CTNNA2: variants seen among roughly 807,000 people sequenced by gnomAD.
The protein encoded by CTNNA2 is catenin alpha-2.
In CTNNA2, 42 loss-of-function variants were observed where a neutral mutation model predicts 101.0. The observed-to-expected ratio is 0.42, with a 90% confidence interval of 0.32 to 0.54. The LOEUF (loss-of-function observed/expected upper bound fraction) is 0.54, where lower values mean the gene tolerates loss of function less well. CTNNA2 is among the 20% of genes least tolerant of loss of function. The probability of loss-of-function intolerance (pLI) is 0.14; values close to 1 mark genes in which losing one functional copy is unlikely to be tolerated. For synonymous variants in CTNNA2, 450 were observed against 456.4 expected, an observed-to-expected ratio of 0.99 and a Z score of 0.18; for missense variants, 871 against 1,223.1, an observed-to-expected ratio of 0.71 and a Z score of 4.29.
intron 3 of CTNNA2, among the ~76,000 whole-genome samples, chr2:79,329,341 A>G (rs993620845): frequency 1.3e-5 from 2 of 152,146 alleles, no homozygotes; most frequent in African/African-American, 4.8e-5. Flanking sequence ...GTGGATATTT[A>G]CCTGCCAGCT....
At chr2:79,603,454 A>G (rs1332229210) in intron 1 of CTNNA2, among the ~76,000 whole-genome samples, 1 of 152,224 alleles carries the variant, frequency 6.6e-6, no homozygotes, top group East Asian at 1.9e-4. Context: ...ACTAAGTGAA[A>G]AAAGTATCAT....
At chr2:80,619,686 A>C (rs1312807552) in intron 18 of CTNNA2, among the ~76,000 whole-genome samples, 3 of 151,956 alleles carry the variant, frequency 2.0e-5, no homozygotes, top group Non-Finnish European at 2.9e-5. Flanking sequence ...TGAGGATGAT[A>C]CATGAGGATT....
intron 15 of CTNNA2, among the ~76,000 whole-genome samples, chr2:80,594,872 C>A (rs912354358): frequency 1.3e-5 from 2 of 152,006 alleles, no homozygotes; most frequent in Admixed American, 1.3e-4. Flanking sequence ...TTCCATTGGT[C>A]TCTATGTCTG....
At chr2:80,647,137 A>G (rs956271128) in intron 18 of CTNNA2, among the ~76,000 whole-genome samples, 1 of 151,982 alleles carries the variant, frequency 6.6e-6, no homozygotes, top group African/African-American at 2.4e-5. Context: ...AAGCAAGAAC[A>G]CCCATGGATT....
intron 2 of CTNNA2, among the ~76,000 whole-genome samples, chr2:79,266,018 A>G (rs1674982500): frequency 6.6e-6 from 1 of 152,184 alleles, no homozygotes; most frequent in Admixed American, 6.5e-5. Context: ...TTAAATAAAC[A>G]TAAAAGTTAC....
intron 7 of CTNNA2, among the ~76,000 whole-genome samples, chr2:80,078,425 C>T (rs1365636036): frequency 1.3e-5 from 2 of 152,126 alleles, no homozygotes; most frequent in Non-Finnish European, 2.9e-5. Context: ...GAAATAGCTC[C>T]TGCAAAGCCA....
At chr2:80,095,977 G>A (rs980782575) in intron 7 of CTNNA2, among the ~76,000 whole-genome samples, 13 of 151,800 alleles carry the variant, frequency 8.6e-5, no homozygotes, top group African/African-American at 2.9e-4. Flanking sequence ...TTGATTTTTT[G>A]AAGGGTTTTT....
intron 2 of CTNNA2, among the ~76,000 whole-genome samples, chr2:79,275,880 A>T (rs1675199112): frequency 6.6e-6 from 1 of 152,076 alleles, no homozygotes; most frequent in African/African-American, 2.4e-5. Flanking sequence ...AAAAAAAAAG[A>T]TAAGAAGGAA....
In CTNNA2 at chr2:79,357,321, G is replaced by A. The variant is rs186163014; in HGVS notation, c.-317-16510G>A. Among the ~76,000 whole-genome samples, 226 of 152,184 alleles carry A rather than the reference G, an allele frequency of 1.5e-3. 1 individual carries two copies. The highest frequency in any genetic ancestry group is 2.8e-3 in the Non-Finnish European group (190 of 68,000). On this transcript the variant is annotated intron_variant, in intron 3 of 21. Transcript: ENST00000466387. Reference sequence around the variant, plus strand: ...AGCCTGGGCAACAGAGTAAGACCCTGTCTCAAAAACAAACAAACAAAACTC... The same window carrying A: ...AGCCTGGGCAACAGAGTAAGACCCTATCTCAAAAACAAACAAACAAAACTC...
intron 3 of CTNNA2, among the ~76,000 whole-genome samples, chr2:79,365,671 G>T (rs1040671353): frequency 9.2e-5 from 14 of 151,532 alleles, no homozygotes; most frequent in African/African-American, 1.9e-4. Context: ...AAGTGGGGGG[G>T]ACATGACAAG....
intron 4 of CTNNA2, among the ~76,000 whole-genome samples, chr2:79,389,523 T>A (rs1429615644): frequency 1.3e-5 from 2 of 152,250 alleles, no homozygotes; most frequent in African/African-American, 2.4e-5. Context: ...AATCAGTATA[T>A]GTTTTGTTAA....
rs150134462 is a variant in CTNNA2, at chr2:80,135,486, A to C, written c.1056+225689A>C. 3.6e-3 allele frequency among the ~76,000 whole-genome samples: 553 copies of C among 152,254 alleles called. 2 individuals are homozygous for C. The highest frequency in any genetic ancestry group is 0.012 in the African/African-American group (517 of 41,552). The stretch of plus-strand genomic sequence containing the variant: ...ACAGAATTCAGAGGTCTGTAGAGGA[A>C]TCCTGCCTTACTGAGGTTGGGCAGA... On this transcript the variant is annotated intron_variant, in intron 7 of 18. Coordinates refer to ENST00000402739, the MANE Select transcript of CTNNA2 (RefSeq NM_001282597.3).
At chr2:79,246,331 G>C (rs957541586) in intron 2 of CTNNA2, among the ~76,000 whole-genome samples, 2 of 152,094 alleles carry the variant, frequency 1.3e-5, no homozygotes, top group Admixed American at 6.6e-5. Flanking sequence ...GCTACAAAAT[G>C]GTTTTTTATC....
chr2:80,249,910 A>G (rs928655833), intron 7 of CTNNA2, among the ~76,000 whole-genome samples: 4 of 152,052 alleles, frequency 2.6e-5, no homozygotes, highest in African/African-American at 9.7e-5. Flanking sequence ...TTTGTTTTTT[A>G]TATTTTCTTA....
intron 9 of CTNNA2, among the ~76,000 whole-genome samples, chr2:80,535,557 C>T (rs1436370499): frequency 6.6e-6 from 1 of 152,114 alleles, no homozygotes; most frequent in African/African-American, 2.4e-5. Flanking sequence ...AGAACATAAA[C>T]CCTGGGCTGC....
chr2:80,560,341 T>C (rs1009794258), intron 12 of CTNNA2, among the ~76,000 whole-genome samples: 7 of 152,120 alleles, frequency 4.6e-5, no homozygotes, highest in Non-Finnish European at 1.0e-4. Context: ...GCCAGGACAA[T>C]GCAGTAGAAT....
chr2:79,541,418 G>GCA (rs140370503), intron 1 of CTNNA2, among the ~76,000 whole-genome samples: 148 of 48,304 alleles, frequency 3.1e-3, no homozygotes, highest in African/African-American at 6.2e-3. Flanking sequence ...ATACACACAC[G>GCA]CACACACACA....
chr2:79,534,711 C>T (rs1408768920), intron 1 of CTNNA2, among the ~76,000 whole-genome samples: 1 of 151,914 alleles, frequency 6.6e-6, no homozygotes, highest in Non-Finnish European at 1.5e-5. Flanking sequence ...TGATATTGTG[C>T]TTGTTGTCCC....
Position 80,384,289 on chromosome 2 carries a change from G to T in CTNNA2, c.1057-8922G>T, listed in dbSNP as rs1420269875. Among the ~76,000 whole-genome samples, 3 of 151,984 alleles carry T rather than the reference G, an allele frequency of 2.0e-5. 1 individual carries two copies. The South Asian group carries it at 6.3e-4, about 32-fold the overall frequency. On this transcript the variant is annotated intron_variant, in intron 7 of 18. Transcript: ENST00000402739. ...ATGTCACAAAATATCTGCACTGTTT[G>T]GCACACTACCTGCATGACGGATTTG... is the stretch of plus-strand genomic sequence containing the variant.
Sources: gnomAD v4.1 joint callset for allele counts (sites outside exome capture counted in the v4.1 genomes callset) on GRCh38, gnomAD v4.1.1 for gene constraint, MANE v1.5 for transcripts, NCBI Gene and HGNC (gene_info 2026-07-23, HGNC 2026-07-21) for gene names.